SCAMP5: variants seen among roughly 807,000 people sequenced by gnomAD.
SCAMP5 encodes secretory carrier membrane protein 5.
SCAMP5 carries 7 observed loss-of-function variants against 28.3 expected under a neutral mutation model. That is an observed-to-expected ratio of 0.25 (90% CI 0.14 to 0.46). The LOEUF (loss-of-function observed/expected upper bound fraction) is 0.46, where lower values mean the gene tolerates loss of function less well. Ranked by LOEUF, SCAMP5 falls within the 20% of genes least tolerant of loss-of-function variation. The probability of loss-of-function intolerance (pLI) is 0.99; values close to 1 mark genes in which losing one functional copy is unlikely to be tolerated. For synonymous variants in SCAMP5, 117 were observed against 116.4 expected, an observed-to-expected ratio of 1.00 and a Z score of -0.03; for missense variants, 192 against 312.5, an observed-to-expected ratio of 0.61 and a Z score of 2.91.
intron 1 of SCAMP5, among the ~76,000 whole-genome samples, chr15:74,999,823 A>G (rs767300533): frequency 4.6e-5 from 7 of 152,058 alleles, no homozygotes; most frequent in African/African-American, 7.2e-5. Flanking sequence ...ATAAAATAAA[A>G]CACTTCCTGA....
At chr15:75,005,136 C>T (rs758521509) in intron 1 of SCAMP5, among the ~76,000 whole-genome samples, 1 of 151,150 alleles carries the variant, frequency 6.6e-6, no homozygotes, top group Non-Finnish European at 1.5e-5. Flanking sequence ...GATCGTGCCA[C>T]TGCACTCCAG....
intron 3 of SCAMP5, among the ~76,000 whole-genome samples, chr15:75,016,125 A>G (rs2065857323): frequency 6.6e-6 from 1 of 151,910 alleles, no homozygotes; most frequent in Admixed American, 6.6e-5. Context: ...GGGCTTGGTG[A>G]TTGCTGTGAG....
Position 75,016,591 on chromosome 15 carries a change from AGTGAACAGCGTCACGCTGGCC to A in SCAMP5, c.142_162del (p.Ser48_Asn54del). The A allele has an allele frequency of 6.2e-7, 1 of 1,611,614 alleles. No individual in the cohort carries two copies. The highest frequency in any genetic ancestry group is 8.5e-7 in the Non-Finnish European group (1 of 1,179,266). On this transcript the variant is annotated splice_acceptor_variant and coding_sequence_variant, in exon 4 of 7. Transcript: ENST00000425597. LOFTEE classifies it high-confidence loss of function. ...TGTGTGCATGTGCTCCTGGGCCTGC[AGTGAACAGCGTCACGCTGGCC>A]GTGAACCTGGTGGGCTGTCTCGCGT... is the stretch of plus-strand genomic sequence containing the variant.
At chr15:75,003,499 A>G (rs2141429975) in intron 1 of SCAMP5, among the ~76,000 whole-genome samples, 1 of 152,300 alleles carries the variant, frequency 6.6e-6, no homozygotes, top group Admixed American at 6.5e-5. Context: ...TTTCAAAGCT[A>G]CAAAAAAGTT....
rs1348223820 is a variant in SCAMP5 at position 75,002,064 on chromosome 15, C to G, written c.-49+6391C>G. Among the ~76,000 whole-genome samples the G allele has an allele frequency of 3.3e-5, 5 of 151,974 alleles. No individual in the cohort carries two copies. The East Asian group carries it at 9.7e-4, about 29-fold the overall frequency. ...GAGGCTGCAGTGAGCTGTGATTGCA[C>G]CACCGCACTCCAGGCTGGGCAATAG... On this transcript the variant is annotated intron_variant, in intron 1 of 6. Coordinates refer to ENST00000425597, the MANE Select transcript of SCAMP5 (RefSeq NM_138967.4).
intron 1 of SCAMP5, among the ~76,000 whole-genome samples, chr15:75,005,175 C>CAAAAAA (rs34793996): frequency 7.0e-6 from 1 of 141,934 alleles, no homozygotes. Flanking sequence ...GCTCTTGTCT[C>CAAAAAA]AAAAAAAAAA....
intron 3 of SCAMP5, among the ~76,000 whole-genome samples, chr15:75,013,749 G>A (rs1037741155): frequency 1.3e-5 from 2 of 152,132 alleles, no homozygotes; most frequent in Non-Finnish European, 2.9e-5. Context: ...GATCACTTGA[G>A]CCCAGGAGTT....
At chr15:75,011,012 T>G (rs1245734941) in intron 1 of SCAMP5, among the ~76,000 whole-genome samples, 1 of 152,110 alleles carries the variant, frequency 6.6e-6, no homozygotes, top group African/African-American at 2.4e-5. Flanking sequence ...CAAATTAGCC[T>G]GGGCGATATG....
At chr15:75,010,901 C>G (rs1046682783) in intron 1 of SCAMP5, among the ~76,000 whole-genome samples, 2 of 152,104 alleles carry the variant, frequency 1.3e-5, no homozygotes, top group African/African-American at 4.8e-5. Flanking sequence ...TTTTTACTAC[C>G]ACTTGTATTT....
chr15:75,007,580 T>G (rs2065772238), intron 1 of SCAMP5: 1 of 152,148 alleles, frequency 6.6e-6, no homozygotes, highest in African/African-American at 2.4e-5. Flanking sequence ...TGTTTTTGTT[T>G]TTTTGAGACG....
intron 1 of SCAMP5, among the ~76,000 whole-genome samples, chr15:75,006,222 C>A (rs1595883514): frequency 6.6e-6 from 1 of 151,674 alleles, no homozygotes; most frequent in East Asian, 2.0e-4. Flanking sequence ...TGGTCTCGAA[C>A]TCCTGACCTT....
At chr15:74,998,669 C>T (rs2065674225) in intron 1 of SCAMP5, among the ~76,000 whole-genome samples, 1 of 151,406 alleles carries the variant, frequency 6.6e-6, no homozygotes, top group Non-Finnish European at 1.5e-5. Context: ...CCCCTCCAAC[C>T]CCCCACCCCC....
At chr15:74,997,882 T>C (rs1178383836) in intron 1 of SCAMP5, among the ~76,000 whole-genome samples, 1 of 152,112 alleles carries the variant, frequency 6.6e-6, no homozygotes, top group African/African-American at 2.4e-5. Context: ...GGGCAGAAGA[T>C]GGGGCTAGGA....
chr15:75,008,516 T>C (rs1595884910), intron 1 of SCAMP5, among the ~76,000 whole-genome samples: 1 of 151,752 alleles, frequency 6.6e-6, no homozygotes, highest in South Asian at 2.1e-4. Flanking sequence ...TTTTTTTTTT[T>C]TGAGACATGG....
chr15:74,995,983 C>T (rs1254321954), intron 1 of SCAMP5: 1 of 152,730 alleles, frequency 6.5e-6, no homozygotes, highest in East Asian at 1.9e-4. Context: ...AGCTTTGGGC[C>T]CTCCATCCCC....
chr15:75,016,208 C>A (rs1020033073), intron 3 of SCAMP5, among the ~76,000 whole-genome samples: 2 of 152,070 alleles, frequency 1.3e-5, no homozygotes, highest in African/African-American at 2.4e-5. Context: ...GGCTTTGGGG[C>A]CCTTCAAAGG....
chr15:75,015,396 T>G (rs2065849214), intron 3 of SCAMP5, among the ~76,000 whole-genome samples: 1 of 150,044 alleles, frequency 6.7e-6, no homozygotes, highest in Non-Finnish European at 1.5e-5. Flanking sequence ...AGGTCCCTGC[T>G]GGCCGTGACT....
chr15:75,010,583 C>T (rs1392620759), intron 1 of SCAMP5, among the ~76,000 whole-genome samples: 3 of 152,078 alleles, frequency 2.0e-5, no homozygotes, highest in East Asian at 1.9e-4. Flanking sequence ...GAGTCCAAAG[C>T]GGGAAGATTG....
At chr15:75,006,614 C>T (rs1567022372) in intron 1 of SCAMP5, among the ~76,000 whole-genome samples, 1 of 152,012 alleles carries the variant, frequency 6.6e-6, no homozygotes, top group South Asian at 2.1e-4. Flanking sequence ...GGTGAAACCC[C>T]GTTTCTACTA....
Sources: gnomAD v4.1 joint callset for allele counts (sites outside exome capture counted in the v4.1 genomes callset) on GRCh38, gnomAD v4.1.1 for gene constraint, MANE v1.5 for transcripts, NCBI Gene and HGNC (gene_info 2026-07-23, HGNC 2026-07-21) for gene names.